HEXD: variants seen among roughly 807,000 people sequenced by gnomAD.
The protein encoded by HEXD is N-acetyl-beta-galactosaminidase.
In HEXD, 47 loss-of-function variants were observed where a neutral mutation model predicts 54.2. That is an observed-to-expected ratio of 0.87 (90% confidence interval 0.69 to 1.11). HEXD has a LOEUF of 1.11. Ranked by LOEUF, HEXD falls within the 50% of genes least tolerant of loss-of-function variation. The pLI is 0.00. For synonymous variants in HEXD, 293 were observed against 287.6 expected (o/e 1.02, Z -0.19); for missense variants, 576 against 649.2 (o/e 0.89, Z 1.23).
rs2053333733 is a variant in HEXD, at chr17:82,424,403, C to G, written c.94C>G (p.Leu32Val). Reference protein sequence around the residue: ...KVSYLSEIFPLFRALGANGLL... With the variant: ...KVSYLSEIFPVFRALGANGLL... ...CCTGTTTACCCCCCAGATTTTTCCT[C>G]TGTTCCGTGCGCTAGGTGCAAACGG... Residue 32 changes from leucine (L) to valine (V), a missense_variant, in exon 3 of 13, where the codon CTG (leucine) becomes GTG (valine). By Grantham distance (32) the Leu-to-Val change is conservative. Coordinates refer to ENST00000327949, the MANE Select transcript of HEXD (RefSeq NM_001330542.2). 3 of 1,613,540 alleles carry G rather than the reference C, an allele frequency of 1.9e-6. No homozygotes were observed. The African/African-American group carries it at 4.0e-5, about 22-fold the overall frequency.
At chr17:82,441,581 G>A (rs985830901) in intron 11 of HEXD, among the ~76,000 whole-genome samples, 2 of 151,064 alleles carry the variant, frequency 1.3e-5, no homozygotes, top group African/African-American at 4.9e-5. Context: ...GGCAGGTGTG[G>A]GTGAGGGGGG....
intron 3 of HEXD, among the ~76,000 whole-genome samples, chr17:82,425,218 G>GGGCTAGAGAAGGCCGGAGGA (rs1251663445): frequency 1.5e-4 from 22 of 144,432 alleles, no homozygotes; most frequent in Non-Finnish European, 2.0e-4. Flanking sequence ...GGAGGAGGCT[G>GGGCTAGAGAAGGCCGGAGGA]GGCTAGAGAA....
rs767580174 is a variant in HEXD at position 82,442,321 on chromosome 17, C to T, written c.1398C>T (p.Ser466=). 18 of 1,610,288 alleles carry T rather than the reference C, an allele frequency of 1.1e-5. No individual in the cohort carries two copies. Among genetic ancestry groups the T allele is most frequent in the African/African-American group, 1.1e-4 (8 of 74,922 alleles). ...TGCAAGCTCTGCTGCAGGACCTCAG[C>T]GAGGTGTCTGCCCCCCCGCTGCCAC... The part of the protein sequence containing the change: ...QRLQALLQDL[S]EVSAPPLPPT... The change falls in exon 13 of 13, where the codon AGC becomes AGT. Residue 466 remains serine (S), a synonymous_variant. Transcript: ENST00000327949. The surrounding 1 kb of genome is among the most constrained non-coding windows in gnomAD (Gnocchi z 6.8).
chr17:82,433,128 A>ATTTTTTTTTTTTTTT (rs758489285), intron 4 of HEXD, among the ~76,000 whole-genome samples: 3 of 13,074 alleles, frequency 2.3e-4, no homozygotes, highest in Non-Finnish European at 3.6e-4. Context: ...ATATATATAT[A>ATTTTTTTTTTTTTTT]TTTTTTTTTT....
rs1413184463 is a variant in HEXD at position 82,433,660 on chromosome 17, T to G, written c.285T>G (p.Phe95Leu). 1.3e-6 allele frequency: 2 copies of G among 1,576,422 alleles called. No homozygotes were observed. Among genetic ancestry groups the G allele is most frequent in the Non-Finnish European group, 1.7e-6 (2 of 1,166,780 alleles). Residue 95 changes from phenylalanine (F) to leucine (L), a missense_variant and splice_region_variant, in exon 5 of 13, where the codon TTT becomes TTG. Transcript: ENST00000327949. Reference protein sequence around the residue: ...PLVQTFGHMEFVLKHTAFAHL... With the variant: ...PLVQTFGHMELVLKHTAFAHL... ...CGAACTTCTCTGTCTCTCCGCAGTT[T>G]GTGCTGAAGCACACGGCCTTCGCCC...
chr17:82,437,134 C>G lies in HEXD; in HGVS notation c.704-34C>G, dbSNP rs200236892. The G allele has an allele frequency of 1.6e-4, 249 of 1,544,200 alleles. 1 individual carries two copies. In the African/African-American group the frequency reaches 2.8e-3, roughly 17 times the overall value. On this transcript the variant is annotated intron_variant, in intron 7 of 12. Coordinates refer to ENST00000327949, the MANE Select transcript of HEXD (RefSeq NM_001330542.2). ...TCCAGGGCCGTGTTGGCCGCCTCCCCTGGAGCCACTCACCTGTTTGCTTTC... is the reference window on the plus strand; with the variant it reads ...TCCAGGGCCGTGTTGGCCGCCTCCCGTGGAGCCACTCACCTGTTTGCTTTC...
intron 3 of HEXD, chr17:82,425,799 C>T (rs1362068790): frequency 1.3e-5 from 2 of 152,040 alleles, no homozygotes; most frequent in African/African-American, 4.8e-5. Context: ...AAAACCCCAT[C>T]TCTATGTGAA....
chr17:82,439,779 C>T lies in HEXD; in HGVS notation c.982+66C>T, dbSNP rs780435603. The T allele has an allele frequency of 5.6e-6, 9 of 1,597,398 alleles. No individual in the cohort carries two copies. In the African/African-American group the frequency reaches 9.4e-5, roughly 17 times the overall value. ...CCCGAAAGACCCGGAGGGCAGGAGG[C>T]CAAGCACCCAGTGCTCCAACCACCC... is the stretch of plus-strand genomic sequence containing the variant. On this transcript the variant is annotated intron_variant, in intron 9 of 12. Transcript: ENST00000327949.
At position 82,435,976 on chromosome 17, in the gene HEXD, C is replaced by T. The variant is rs1052872711; in HGVS notation, c.631+104C>T. On this transcript the variant is annotated intron_variant, in intron 6 of 12. Coordinates refer to ENST00000327949, the MANE Select transcript of HEXD (RefSeq NM_001330542.2). ...AGGAAGTGGGCCCCAGGGTGAGCCC[C>T]AGCCCCGCACAGACCCGCCACAACC... is the stretch of plus-strand genomic sequence containing the variant. 3.6e-6 allele frequency: 4 copies of T among 1,105,702 alleles called. No homozygotes were observed. The African/African-American group carries it at 4.7e-5, about 13-fold the overall frequency. 68.5% of individuals were successfully genotyped at this position (1,105,702 alleles called of 1,614,324 possible).
Position 82,442,128 on chromosome 17 carries a change from G to A in HEXD, c.1254-49G>A. 2 of 1,565,820 alleles carry A rather than the reference G, an allele frequency of 1.3e-6. No individual in the cohort carries two copies. The highest frequency in any genetic ancestry group is 1.7e-6 in the Non-Finnish European group (2 of 1,157,408). The stretch of plus-strand genomic sequence containing the variant: ...GGCAGTACTGACCATGGGGCTGAGG[G>A]CAAGTCCCAAGTGTGCAGACTGTGC... On this transcript the variant is annotated intron_variant, in intron 12 of 12. Transcript: ENST00000327949. This position sits in a 1 kb window ranked among gnomAD's most constrained non-coding sequence, Gnocchi z 6.8.
At position 82,439,638 on chromosome 17, in the gene HEXD, C is replaced by T; in HGVS notation, c.907C>T (p.His303Tyr). The T allele has an allele frequency of 6.4e-7, 1 of 1,563,920 alleles. No homozygotes were observed. Residue 303 changes from histidine to tyrosine, a missense_variant, in exon 9 of 13, where the codon CAC (histidine) becomes TAC (tyrosine). Coordinates refer to ENST00000327949, the MANE Select transcript of HEXD (RefSeq NM_001330542.2). ...CCCCTCTCATGGACCCAGGTACGACCACTACTCTGTGCTGTGCGAGCTGCT... is the reference window on the plus strand; with the variant it reads ...CCCCTCTCATGGACCCAGGTACGACTACTACTCTGTGCTGTGCGAGCTGCT... ...IILTGWQRYD[H>Y]YSVLCELLPA...
At chr17:82,429,460 C>T (rs923421854) in intron 4 of HEXD, among the ~76,000 whole-genome samples, 14 of 152,078 alleles carry the variant, frequency 9.2e-5, no homozygotes, top group African/African-American at 2.4e-4. Context: ...GGCGTGCCAC[C>T]GGAGTTCCTT....
At position 82,422,934 on chromosome 17, in the gene HEXD, G is replaced by A. The variant is rs146042093; in HGVS notation, c.85-1460G>A. On this transcript the variant is annotated intron_variant, in intron 2 of 12. Coordinates refer to ENST00000327949, the MANE Select transcript of HEXD (RefSeq NM_001330542.2). ...TAGCCAGGCGTGGTGTCAGGTGCCT[G>A]TAATCTCAGCTACTCGGGAGACTGA... is the stretch of plus-strand genomic sequence containing the variant. 3.5e-3 allele frequency among the ~76,000 whole-genome samples: 530 copies of A among 152,184 alleles called. 2 individuals are homozygous for A. Among genetic ancestry groups the A allele is most frequent in the African/African-American group, 0.012 (502 of 41,530 alleles).
chr17:82,440,283 C>T (rs1189402856), intron 9 of HEXD: 5 of 1,281,626 alleles, frequency 3.9e-6, no homozygotes, highest in African/African-American at 1.5e-5. Flanking sequence ...GGCCGAGACG[C>T]GCGGAGAGCG....
chr17:82,438,817 CTG>C (rs2053846647), intron 8 of HEXD, among the ~76,000 whole-genome samples: 1 of 152,270 alleles, frequency 6.6e-6, no homozygotes, highest in East Asian at 1.9e-4. Flanking sequence ...GGCAGCGGCT[CTG>C]CAGAAGCTTC....
At chr17:82,421,563 C>A (rs186851989) in intron 2 of HEXD, among the ~76,000 whole-genome samples, 1 of 152,190 alleles carries the variant, frequency 6.6e-6, no homozygotes, top group Non-Finnish European at 1.5e-5. Context: ...TGGTGGCTCA[C>A]GTCTGTAATC....
At chr17:82,429,101 A>G (rs1453320277) in intron 4 of HEXD, among the ~76,000 whole-genome samples, 2 of 152,004 alleles carry the variant, frequency 1.3e-5, no homozygotes, top group African/African-American at 4.8e-5. Context: ...CTCTACTAAA[A>G]ATACAAAAAT....
At chr17:82,441,591 G>T (rs975790881) in intron 11 of HEXD, among the ~76,000 whole-genome samples, 8 of 150,848 alleles carry the variant, frequency 5.3e-5, no homozygotes, top group Middle Eastern at 3.5e-3. Flanking sequence ...GGTGAGGGGG[G>T]TAGGGACAGG....
At position 82,435,811 on chromosome 17, in the gene HEXD, C is replaced by G; in HGVS notation, c.570C>G (p.Pro190=). 6.2e-7 allele frequency: 1 copy of G among 1,612,582 alleles called. No individual in the cohort carries two copies. ...AVASGVKARR[P]SVTPLVWDDM... ...CCAGCGGCGTGAAGGCCCGGCGCCC[C>G]AGCGTGACACCCCTGGTGTGGGACG... Residue 190 remains proline, a synonymous_variant, in exon 6 of 13, where the codon CCC becomes CCG. Coordinates refer to ENST00000327949, the MANE Select transcript of HEXD (RefSeq NM_001330542.2).
Sources: gnomAD v4.1 joint callset for allele counts (sites outside exome capture counted in the v4.1 genomes callset) on GRCh38, gnomAD v4.1.1 for gene constraint, Gnocchi (gnomAD v3.1) non-coding constraint, MANE v1.5 for transcripts, NCBI Gene and HGNC (gene_info 2026-07-23, HGNC 2026-07-21) for gene names.